The following LOXL2 variants were observed in gnomAD, a reference collection of about 807,000 sequenced individuals.
LOXL2 encodes the protein lysyl oxidase homolog 2.
In LOXL2, 70 loss-of-function variants were observed where a neutral mutation model predicts 93.0. That is an observed-to-expected ratio of 0.75 (90% CI 0.62 to 0.92). The LOEUF is 0.92. Ranked by LOEUF, LOXL2 falls within the 40% of genes least tolerant of loss-of-function variation. The pLI, the probability that LOXL2 is intolerant of heterozygous loss-of-function variation, is 0.00. For missense variants in LOXL2, 973 were observed against 1,054.9 expected, an observed-to-expected ratio of 0.92 and a Z score of 1.08; for synonymous variants, 438 against 413.2, an observed-to-expected ratio of 1.06 and a Z score of -0.73.
chr8:23,309,536 C>G, intron 10 of LOXL2, 132 bp downstream of exon 10: 4 of 1,110,912 alleles, frequency 3.6e-6, no homozygotes, highest in Non-Finnish European at 4.7e-6. Flanking sequence ...AAGCCCCCCA[C>G]TTAGGAGGAT....
In LOXL2 at chr8:23,301,964, G is replaced by C. The variant is rs1473377693; in HGVS notation, c.2133+63C>G. ...CCTGTGTGGACACCAATGGGAAGGA[G>C]CCTGTGGAGGTGGCCTCCCCTCCTC... On this transcript the variant is annotated intron_variant, in intron 12 of 13. Transcript: ENST00000389131. 5.6e-6 allele frequency: 9 copies of C among 1,597,016 alleles called. No homozygotes were observed. In the East Asian group the frequency reaches 2.0e-4, roughly 36 times the overall value.
chr8:23,351,224 G>A (rs955663750), intron 3 of LOXL2, among the ~76,000 whole-genome samples: 1 of 152,154 alleles, frequency 6.6e-6, no homozygotes, highest in African/African-American at 2.4e-5. Flanking sequence ...GGATTCCTTG[G>A]CACTGACACC....
At chr8:23,306,414 T>G (rs1803229768) in intron 10 of LOXL2, among the ~76,000 whole-genome samples, 1 of 152,196 alleles carries the variant, frequency 6.6e-6, no homozygotes, top group African/African-American at 2.4e-5. Flanking sequence ...CAGAAAACAG[T>G]GGGGATGTTT....
chr8:23,326,437 A>G (rs1261582768), intron 6 of LOXL2, among the ~76,000 whole-genome samples: 6 of 152,178 alleles, frequency 3.9e-5, no homozygotes, highest in Non-Finnish European at 7.3e-5. Context: ...TCGGCCAATC[A>G]GTAAATGACT....
chr8:23,382,398 C>T (rs1020455325), intron 1 of LOXL2: 1 of 152,048 alleles, frequency 6.6e-6, no homozygotes, highest in Admixed American at 6.6e-5. Context: ...TGCCTGTAGT[C>T]CCAGTTACTC....
At chr8:23,388,271 G>A (rs1220698376) in intron 1 of LOXL2, among the ~76,000 whole-genome samples, 3 of 151,976 alleles carry the variant, frequency 2.0e-5, no homozygotes, top group African/African-American at 2.4e-5. Context: ...TCTGGATCCC[G>A]CACCTTGCAA....
At chr8:23,390,930 T>TGGTGGAAGGTGAAAGGTGAAA (rs1563210188) in intron 1 of LOXL2, among the ~76,000 whole-genome samples, 2 of 151,654 alleles carry the variant, frequency 1.3e-5, no homozygotes, top group African/African-American at 4.8e-5. Flanking sequence ...CTCACAATCA[T>TGGTGGAAGGTGAAAGGTGAAA]GGTGGAAGGT....
chr8:23,316,348 G>C (rs572258038), intron 9 of LOXL2, among the ~76,000 whole-genome samples: 1 of 152,284 alleles, frequency 6.6e-6, no homozygotes, highest in African/African-American at 2.4e-5. Context: ...GCTGCGTGTG[G>C]GTTTATATTA....
chr8:23,357,788 C>T (rs546360765), intron 3 of LOXL2, among the ~76,000 whole-genome samples: 27 of 152,188 alleles, frequency 1.8e-4, no homozygotes, highest in African/African-American at 6.3e-4. Context: ...AGCTCATGGT[C>T]CTATTAGGCA....
At chr8:23,390,279 G>A (rs575296602) in intron 1 of LOXL2, among the ~76,000 whole-genome samples, 1 of 152,320 alleles carries the variant, frequency 6.6e-6, no homozygotes, top group Non-Finnish European at 1.5e-5. Context: ...GGCTGAATGG[G>A]GTTTGCTCAG....
At chr8:23,301,970 G>A in intron 12 of LOXL2, 57 bp downstream of exon 12, 1 of 1,604,440 alleles carries the variant, frequency 6.2e-7, no homozygotes, top group South Asian at 1.1e-5. Flanking sequence ...AGGAGCCTGT[G>A]GAGGTGGCCT....
chr8:23,360,890 T>TG (rs2117205475), intron 2 of LOXL2, among the ~76,000 whole-genome samples: 1 of 151,896 alleles, frequency 6.6e-6, no homozygotes, highest in East Asian at 1.9e-4. Flanking sequence ...TTGAGGTTTG[T>TG]GGGGTTTTTT....
Position 23,317,080 on chromosome 8 carries a change from T to C in LOXL2, c.1505A>G (p.Asn502Ser). 1 of 1,614,208 alleles carries C rather than the reference T, an allele frequency of 6.2e-7. No homozygotes were observed. The highest frequency in any genetic ancestry group is 8.5e-7 in the Non-Finnish European group (1 of 1,180,020). ...CTTCACTCCACTCATGACCACTTTGTTGCTGTTGACATCTCCGTGCCAATA... is the reference window on the plus strand; with the variant it reads ...CTTCACTCCACTCATGACCACTTTGCTGCTGTTGACATCTCCGTGCCAATA... Reference protein sequence around the residue: ...TWYWHGDVNSNKVVMSGVKCS... With the variant: ...TWYWHGDVNSSKVVMSGVKCS... Residue 502 changes from asparagine (N) to serine (S), a missense_variant, in exon 9 of 14, where the codon AAC becomes AGC. Transcript: ENST00000389131.
intron 1 of LOXL2, among the ~76,000 whole-genome samples, chr8:23,377,951 T>A (rs1401755546): frequency 2.6e-5 from 4 of 152,344 alleles, no homozygotes; most frequent in Admixed American, 2.6e-4. Context: ...TTAAGGTTAA[T>A]ATTGTTACGT....
At chr8:23,353,870 C>G (rs532446265) in intron 3 of LOXL2, among the ~76,000 whole-genome samples, 2 of 152,318 alleles carry the variant, frequency 1.3e-5, no homozygotes, top group African/African-American at 2.4e-5. Flanking sequence ...TCAACTCACT[C>G]GACACTTGCC....
chr8:23,379,603 C>T (rs1336561287), intron 1 of LOXL2, among the ~76,000 whole-genome samples: 1 of 151,986 alleles, frequency 6.6e-6, no homozygotes, highest in Non-Finnish European at 1.5e-5. Flanking sequence ...GCTTCCCAGT[C>T]CCTTTGTTTA....
At chr8:23,307,430 G>T (rs977670095) in intron 10 of LOXL2, among the ~76,000 whole-genome samples, 1 of 152,264 alleles carries the variant, frequency 6.6e-6, no homozygotes, top group African/African-American at 2.4e-5. Flanking sequence ...TGTAAACAAA[G>T]AAATAAAATA....
In LOXL2 at chr8:23,297,794, C is replaced by T. The variant is rs1803060778; in HGVS notation, c.*249G>A. On this transcript the variant is annotated 3_prime_UTR_variant, in exon 14 of 14. Coordinates refer to ENST00000389131, the MANE Select transcript of LOXL2 (RefSeq NM_002318.3). ...GTCAAGACTGGCTCTTGGTGCTGCT[C>T]CAGCAGCTCTGTGGACAAACCCCAC... 2.2e-6 allele frequency: 1 copy of T among 455,122 alleles called. No individual in the cohort carries two copies. The highest frequency in any genetic ancestry group is 3.7e-5 in the East Asian group (1 of 27,076). The allele number at this position is 455,122 out of a possible 1,614,324, so 28.2% of individuals were successfully genotyped here. A position where few individuals can be genotyped will look rare whatever the true frequency, so the allele number is the denominator to read the frequency against.
At chr8:23,385,817 T>C in intron 1 of LOXL2, 1 of 621,522 alleles carries the variant, frequency 1.6e-6, no homozygotes, top group Non-Finnish European at 2.9e-6. Context: ...TGATGCAATA[T>C]ATTTCAATAT....
Sources: gnomAD v4.1 joint callset for allele counts (sites outside exome capture counted in the v4.1 genomes callset) on GRCh38, gnomAD v4.1.1 for gene constraint, MANE v1.5 for transcripts, NCBI Gene and HGNC (gene_info 2026-07-23, HGNC 2026-07-21) for gene names.